PPARGC1A: variants seen among roughly 807,000 people sequenced by gnomAD.
PPARGC1A encodes the protein peroxisome proliferator-activated receptor gamma coactivator 1-alpha.
Under a neutral mutation model 88.7 loss-of-function variants are expected in PPARGC1A, and 25 were observed. That is an observed-to-expected ratio of 0.28 (90% CI 0.21 to 0.39). The LOEUF is 0.39. Ranked by LOEUF, PPARGC1A falls within the 10% of genes least tolerant of loss-of-function variation. The probability of loss-of-function intolerance (pLI) is 1.00; values close to 1 mark genes in which losing one functional copy is unlikely to be tolerated. For synonymous variants in PPARGC1A, 363 were observed against 355.6 expected (o/e 1.02, Z -0.24); for missense variants, 880 against 968.7 (o/e 0.91, Z 1.22).
the PPARGC1A span, among the ~76,000 whole-genome samples, chr4:24,346,551 T>A: frequency 1.3e-5 from 2 of 152,138 alleles, no homozygotes; most frequent in African/African-American, 4.8e-5. Context: ...TTCTACACTT[T>A]CTATGTGCAT....
chr4:24,028,854 A>T, the PPARGC1A span, among the ~76,000 whole-genome samples: 1 of 152,010 alleles, frequency 6.6e-6, no homozygotes, highest in Non-Finnish European at 1.5e-5. Flanking sequence ...ATGTCCAATG[A>T]CTCTAATAAT....
chr4:24,041,754 A>G, the PPARGC1A span, among the ~76,000 whole-genome samples: 353 of 152,322 alleles, frequency 2.3e-3, no homozygotes, highest in African/African-American at 8.1e-3. Context: ...AAGCACATAC[A>G]TGGATCCCAA....
the PPARGC1A span, among the ~76,000 whole-genome samples, chr4:24,168,812 C>T: frequency 2.0e-5 from 3 of 152,134 alleles, no homozygotes; most frequent in Non-Finnish European, 4.4e-5. Flanking sequence ...GATATAAACA[C>T]ACGATTGAAT....
At chr4:24,178,921 T>C in the PPARGC1A span, among the ~76,000 whole-genome samples, 1 of 152,192 alleles carries the variant, frequency 6.6e-6, no homozygotes, top group Non-Finnish European at 1.5e-5. Flanking sequence ...GGTTTTGTCC[T>C]TTGTTTTTGT....
intron 2 of PPARGC1A, among the ~76,000 whole-genome samples, chr4:23,851,736 C>A (rs978852729): frequency 6.6e-6 from 1 of 152,130 alleles, no homozygotes; most frequent in African/African-American, 2.4e-5. Flanking sequence ...TAAGAGTGAA[C>A]CTTTTTATTG....
the PPARGC1A span, among the ~76,000 whole-genome samples, chr4:24,082,546 T>C: frequency 6.6e-6 from 1 of 152,288 alleles, no homozygotes. Context: ...AAATTGCGGC[T>C]TTTGCACCAT....
At chr4:24,243,743 C>A in the PPARGC1A span, among the ~76,000 whole-genome samples, 14 of 152,144 alleles carry the variant, frequency 9.2e-5, no homozygotes, top group Non-Finnish European at 1.9e-4. Context: ...TCCTCCTTAG[C>A]CTGGCCCTTA....
the PPARGC1A span, among the ~76,000 whole-genome samples, chr4:24,053,798 T>C: frequency 6.6e-6 from 1 of 152,200 alleles, no homozygotes; most frequent in African/African-American, 2.4e-5. Context: ...AGCATGTGAC[T>C]GGGTATCCAT....
At chr4:24,107,761 G>T in the PPARGC1A span, among the ~76,000 whole-genome samples, 1 of 152,248 alleles carries the variant, frequency 6.6e-6, no homozygotes, top group Admixed American at 6.5e-5. Context: ...GGACTTCTGA[G>T]AGAGGGAGTG....
At chr4:23,864,145 T>G (rs1731730976) in intron 2 of PPARGC1A, among the ~76,000 whole-genome samples, 1 of 152,214 alleles carries the variant, frequency 6.6e-6, no homozygotes, top group Admixed American at 6.5e-5. Flanking sequence ...CTTAGAGTAG[T>G]TTGTTAATAT....
chr4:24,100,863 ACT>A, the PPARGC1A span, among the ~76,000 whole-genome samples: 1 of 152,174 alleles, frequency 6.6e-6, no homozygotes, highest in African/African-American at 2.4e-5. Context: ...CTGAATTCAT[ACT>A]TTCTAGCTTC....
the PPARGC1A span, among the ~76,000 whole-genome samples, chr4:23,920,801 A>G: frequency 3.9e-5 from 6 of 152,210 alleles, no homozygotes; most frequent in African/African-American, 9.7e-5. Flanking sequence ...CTGCTACTGA[A>G]ATGACTGAAG....
At chr4:24,065,208 C>CA in the PPARGC1A span, among the ~76,000 whole-genome samples, 77 of 152,088 alleles carry the variant, frequency 5.1e-4, 1 homozygote, top group Non-Finnish European at 9.3e-4. Flanking sequence ...TAGGTCCCTG[C>CA]ATTGGAGCCT....
chr4:24,137,989 G>T, the PPARGC1A span, among the ~76,000 whole-genome samples: 6 of 152,088 alleles, frequency 3.9e-5, no homozygotes, highest in African/African-American at 1.4e-4. Context: ...CAGATTTATG[G>T]ATTGTCATGC....
the PPARGC1A span, among the ~76,000 whole-genome samples, chr4:24,272,422 C>T: frequency 5.7e-3 from 866 of 152,168 alleles, 8 homozygotes; most frequent in African/African-American, 0.02. Context: ...AATGCAAGTG[C>T]CATGAAATTC....
At chr4:23,796,557 C>T (rs1487676019) in intron 12 of PPARGC1A, among the ~76,000 whole-genome samples, 1 of 152,074 alleles carries the variant, frequency 6.6e-6, no homozygotes, top group Non-Finnish European at 1.5e-5. Context: ...AAAGCCATGC[C>T]CTTCTTGGAC....
the PPARGC1A span, among the ~76,000 whole-genome samples, chr4:24,011,711 G>T: frequency 6.6e-6 from 1 of 152,142 alleles, no homozygotes; most frequent in Non-Finnish European, 1.5e-5. Flanking sequence ...GGAAAATGGT[G>T]GAAAGAGAAT....
chr4:24,376,462 G>C, the PPARGC1A span, among the ~76,000 whole-genome samples: 1 of 152,140 alleles, frequency 6.6e-6, no homozygotes, highest in South Asian at 2.1e-4. Context: ...ACTGAATAAA[G>C]CATCCTTCCA....
chr4:24,312,960 AC>A, the PPARGC1A span, among the ~76,000 whole-genome samples: 3 of 152,228 alleles, frequency 2.0e-5, no homozygotes, highest in East Asian at 5.8e-4. Context: ...GCTTATTGAG[AC>A]CAAAGAAAAA....
Sources: gnomAD v4.1 joint callset for allele counts (sites outside exome capture counted in the v4.1 genomes callset) on GRCh38, gnomAD v4.1.1 for gene constraint, MANE v1.5 for transcripts, NCBI Gene and HGNC (gene_info 2026-07-23, HGNC 2026-07-21) for gene names.